FBN1: variants seen among roughly 807,000 people sequenced by gnomAD.
The protein encoded by FBN1 is fibrillin-1.
In FBN1, 29 loss-of-function variants were observed where a neutral mutation model predicts 365.1. The ratio of observed to expected loss-of-function variants is 0.08; its 90% CI spans 0.06 to 0.11. The LOEUF (loss-of-function observed/expected upper bound fraction) is 0.11, where lower values mean the gene tolerates loss of function less well. FBN1 is among the 10% of genes least tolerant of loss of function. FBN1 has a pLI of 1.00. For synonymous variants in FBN1, 1,210 were observed against 1,270.5 expected (o/e 0.95, Z 1.01); for missense variants, 2,476 against 3,703.2 (o/e 0.67, Z 8.60).
intron 6 of FBN1, 30 bp downstream of exon 6, chr15:48,596,253 C>A (rs2044514450): frequency 6.3e-7 from 1 of 1,595,052 alleles, no homozygotes; most frequent in Non-Finnish European, 8.6e-7. Flanking sequence ...ACCAGCATGT[C>A]TTTACGTAAA....
intron 46 of FBN1, among the ~76,000 whole-genome samples, chr15:48,448,259 C>A (rs933627984): frequency 2.6e-5 from 4 of 152,058 alleles, no homozygotes; most frequent in Admixed American, 6.6e-5. Flanking sequence ...TCATTACACA[C>A]TGAAGTTTAT....
In FBN1 at chr15:48,488,176, C is replaced by A; in HGVS notation, c.3274G>T (p.Asp1092Tyr). Residue 1092 changes from aspartate to tyrosine, a missense_variant, in exon 27 of 66, where the codon GAC becomes TAC. Coordinates refer to ENST00000316623, the MANE Select transcript of FBN1 (RefSeq NM_000138.5). ...CCTTCGTCACACTTGCATTCAAAGT[C>A]CCCAGGGGTGTTCACACACTGGCCT... ...GRGQCVNTPG[D>Y]FECKCDEGYE... The A allele has an allele frequency of 6.2e-7, 1 of 1,614,192 alleles. No homozygotes were observed. The highest frequency in any genetic ancestry group is 8.5e-7 in the Non-Finnish European group (1 of 1,180,020).
At chr15:48,596,118 G>C (rs969736866) in intron 6 of FBN1, among the ~76,000 whole-genome samples, 165 bp downstream of exon 6, 1 of 152,118 alleles carries the variant, frequency 6.6e-6, no homozygotes, top group Admixed American at 6.5e-5. Context: ...ATAGATTCAG[G>C]GCCGCTGTCT....
At chr15:48,460,092 C>A (rs549575928) in intron 43 of FBN1, among the ~76,000 whole-genome samples, 154 bp downstream of exon 43, 2 of 152,278 alleles carry the variant, frequency 1.3e-5, no homozygotes, top group Admixed American at 1.3e-4. Context: ...AGGGTGTTTG[C>A]ACAGTTTGTT....
rs543617981 is a variant in FBN1, at chr15:48,432,844, G to A, written c.6739+22C>T. The A allele has an allele frequency of 7.4e-6, 12 of 1,613,054 alleles. No homozygotes were observed. In the South Asian group the frequency reaches 1.2e-4, roughly 16 times the overall value. ...ACAGATAAAGCTTCCTGGCTTAGAT[G>A]ACCTTGAACACGATGACTCACCTTT... On this transcript the variant is annotated intron_variant, in intron 55 of 65. Transcript: ENST00000316623.
intron 8 of FBN1, among the ~76,000 whole-genome samples, chr15:48,531,509 A>G (rs2141350413): frequency 6.6e-6 from 1 of 152,318 alleles, no homozygotes; most frequent in Admixed American, 6.5e-5. Context: ...AAAGCCACTC[A>G]AAGCAATGGC....
At position 48,634,400 on chromosome 15, in the gene FBN1, G is replaced by A. The variant is rs115976215; in HGVS notation, c.164+10206C>T. 7.3e-3 allele frequency among the ~76,000 whole-genome samples: 1,117 copies of A among 152,146 alleles called. 16 individuals are homozygous for A. The highest frequency in any genetic ancestry group is 0.026 in the African/African-American group (1,072 of 41,490). On this transcript the variant is annotated intron_variant, in intron 2 of 65. Coordinates refer to ENST00000316623, the MANE Select transcript of FBN1 (RefSeq NM_000138.5). ...TGTCCCCTAAAAGAGGCTGATTAAGGCCACAGGTCGCCTGGTCCCAATGCT... is the reference window on the plus strand; with the variant it reads ...TGTCCCCTAAAAGAGGCTGATTAAGACCACAGGTCGCCTGGTCCCAATGCT...
intron 9 of FBN1, among the ~76,000 whole-genome samples, chr15:48,523,719 G>C (rs925809109): frequency 0.11 from 16,873 of 150,038 alleles, 1,366 homozygotes; most frequent in Non-Finnish European, 0.14. Flanking sequence ...CTGGGGGGGG[G>C]GGGGAACCGT....
intron 50 of FBN1, among the ~76,000 whole-genome samples, chr15:48,441,045 C>G (rs2043110188): frequency 6.6e-6 from 1 of 152,074 alleles, no homozygotes; most frequent in Non-Finnish European, 1.5e-5. Context: ...TGTAGATATC[C>G]ATACACAACT....
At chr15:48,625,326 CT>C (rs970496421) in intron 2 of FBN1, among the ~76,000 whole-genome samples, 6 of 152,094 alleles carry the variant, frequency 3.9e-5, no homozygotes, top group Admixed American at 6.6e-5. Context: ...AATGTTGTTT[CT>C]ATGGGAAAAC....
intron 50 of FBN1, among the ~76,000 whole-genome samples, chr15:48,439,173 A>G (rs1035711247): frequency 6.6e-6 from 1 of 152,268 alleles, no homozygotes; most frequent in Admixed American, 6.6e-5. Flanking sequence ...TAAAGTTTCT[A>G]TCTATCTATC....
intron 64 of FBN1, among the ~76,000 whole-genome samples, chr15:48,415,065 T>C (rs758379297): frequency 2.6e-5 from 4 of 152,162 alleles, no homozygotes; most frequent in African/African-American, 7.2e-5. Context: ...TAAAATATAA[T>C]TTAAAACCCT....
At chr15:48,600,801 A>G (rs887040726) in intron 4 of FBN1, among the ~76,000 whole-genome samples, 2 of 152,184 alleles carry the variant, frequency 1.3e-5, no homozygotes, top group Non-Finnish European at 2.9e-5. Context: ...TTACAACTCA[A>G]TGTCATTTCT....
rs982368209 is a variant in FBN1, at chr15:48,644,724, G to A, written c.46C>T (p.Leu16Phe). Residue 16 changes from leucine to phenylalanine, a missense_variant, in exon 2 of 66, where the codon CTT becomes TTT. Transcript: ENST00000316623. ...CCATGGCTCGTGTAGGACGCTAAAA[G>A]CACGGTAAATCCCAGGGCGATCTCC... ...LLEIALGFTV[L>F]LASYTSHGAD... 6 of 1,613,836 alleles carry A rather than the reference G, an allele frequency of 3.7e-6. No individual in the cohort carries two copies. Among genetic ancestry groups the A allele is most frequent in the South Asian group, 3.3e-5 (3 of 91,090 alleles).
chr15:48,411,900 C>T (rs924629511), intron 65 of FBN1, among the ~76,000 whole-genome samples: 3 of 152,236 alleles, frequency 2.0e-5, no homozygotes, highest in Non-Finnish European at 4.4e-5. Flanking sequence ...CAATTTGATT[C>T]ATTGACGTAA....
intron 32 of FBN1, 122 bp from the exon 33 acceptor site, chr15:48,474,772 T>C (rs1430554499): frequency 9.9e-6 from 12 of 1,212,470 alleles, no homozygotes; most frequent in Non-Finnish European, 1.4e-5. Context: ...TAGACTGGTT[T>C]TGCATCCATA....
chr15:48,498,406 A>G (rs1450492611), intron 18 of FBN1, among the ~76,000 whole-genome samples: 1 of 152,206 alleles, frequency 6.6e-6, no homozygotes, highest in Non-Finnish European at 1.5e-5. Flanking sequence ...TATTAATAAA[A>G]TAATCCCTTC....
chr15:48,508,316 C>T (rs949337161), intron 15 of FBN1, among the ~76,000 whole-genome samples: 16 of 152,184 alleles, frequency 1.1e-4, no homozygotes, highest in Admixed American at 6.5e-5. Context: ...GACCAATAGG[C>T]AGTTTGGATT....
chr15:48,616,790 T>A (rs1437098203), intron 2 of FBN1, among the ~76,000 whole-genome samples: 1 of 152,178 alleles, frequency 6.6e-6, no homozygotes, highest in Non-Finnish European at 1.5e-5. Context: ...TTCAACAAAT[T>A]TTAAAAAATT....
Sources: allele counts gnomAD v4.1 joint callset (sites outside exome capture counted in the v4.1 genomes callset), GRCh38; gene constraint gnomAD v4.1.1; transcripts MANE v1.5; gene names NCBI Gene and HGNC (gene_info 2026-07-23, HGNC 2026-07-21).